The following SPAG16 variants were observed in gnomAD, a reference collection of about 807,000 sequenced individuals.
SPAG16 encodes sperm-associated antigen 16 protein.
Under a neutral mutation model 80.4 loss-of-function variants are expected in SPAG16, and 86 were observed. The ratio of observed to expected loss-of-function variants is 1.07; its 90% CI spans 0.90 to 1.28. The LOEUF (loss-of-function observed/expected upper bound fraction) is 1.28. Among genes scored for constraint, SPAG16 ranks in the 50% most tolerant of loss-of-function variants. SPAG16 has a pLI of 0.00. For missense variants in SPAG16, 870 were observed against 765.3 expected (o/e 1.14, Z -1.61); for synonymous variants, 294 against 265.9 (o/e 1.11, Z -1.03).
intron 10 of SPAG16, among the ~76,000 whole-genome samples, chr2:213,772,043 T>C (rs1653115374): frequency 6.6e-6 from 1 of 152,216 alleles, no homozygotes. Context: ...CTTTGGGCAC[T>C]TTGGCCATTT....
chr2:214,126,015 C>T (rs1029125963), intron 14 of SPAG16, among the ~76,000 whole-genome samples: 5 of 8,200 alleles, frequency 6.1e-4, no homozygotes, highest in Non-Finnish European at 7.3e-4. Context: ...TCCTTCCTTC[C>T]TTCCTTCCTT....
chr2:213,299,009 C>G (rs1023041277), intron 3 of SPAG16, among the ~76,000 whole-genome samples: 3 of 152,022 alleles, frequency 2.0e-5, no homozygotes, highest in African/African-American at 7.2e-5. Context: ...TTGAATTGTG[C>G]TATGGGCTTT....
chr2:213,714,622 A>T (rs1341038381), intron 10 of SPAG16, among the ~76,000 whole-genome samples: 1 of 152,198 alleles, frequency 6.6e-6, no homozygotes, highest in Non-Finnish European at 1.5e-5. Flanking sequence ...TAAGAAAAAT[A>T]ATGAACAAGC....
chr2:214,053,280 A>G (rs1306890438), intron 13 of SPAG16, among the ~76,000 whole-genome samples: 2 of 152,226 alleles, frequency 1.3e-5, no homozygotes, highest in Non-Finnish European at 2.9e-5. Flanking sequence ...TTTGGAATCT[A>G]TATTAAATCT....
At chr2:213,587,810 A>G (rs1162597790) in intron 10 of SPAG16, among the ~76,000 whole-genome samples, 1 of 152,236 alleles carries the variant, frequency 6.6e-6, no homozygotes, top group Non-Finnish European at 1.5e-5. Flanking sequence ...TCCACAAAAT[A>G]CTGGGACTCA....
intron 15 of SPAG16, among the ~76,000 whole-genome samples, chr2:214,337,709 A>G (rs780020470): frequency 4.6e-5 from 7 of 152,186 alleles, no homozygotes; most frequent in Admixed American, 6.5e-5. Flanking sequence ...GTGACATCCA[A>G]TTCTGCATTA....
intron 15 of SPAG16, among the ~76,000 whole-genome samples, chr2:214,314,959 T>TA (rs71037365): frequency 0.23 from 33,824 of 145,704 alleles, 3,885 homozygotes; most frequent in East Asian, 0.35. Context: ...GATACTGTAT[T>TA]AAAAAAAAAA....
intron 10 of SPAG16, among the ~76,000 whole-genome samples, chr2:213,522,138 G>C (rs2075701448): frequency 6.6e-6 from 1 of 152,174 alleles, no homozygotes; most frequent in South Asian, 2.1e-4. Context: ...GCCAGGAATG[G>C]CATATTTGAC....
At chr2:213,286,035 T>G in intron 1 of SPAG16, 2 of 636,440 alleles carry the variant, frequency 3.1e-6, no homozygotes, top group Non-Finnish European at 5.0e-6. Context: ...CTTTGTGAAA[T>G]AAATGGTAGG....
chr2:213,657,947 A>G (rs2063280266), intron 10 of SPAG16, among the ~76,000 whole-genome samples: 2 of 152,164 alleles, frequency 1.3e-5, no homozygotes, highest in East Asian at 1.9e-4. Context: ...GCAGTCTACT[A>G]TGTGAATTAA....
At chr2:214,318,329 G>A (rs1191300190) in intron 15 of SPAG16, among the ~76,000 whole-genome samples, 4 of 142,890 alleles carry the variant, frequency 2.8e-5, no homozygotes, top group Admixed American at 7.0e-5. Flanking sequence ...ACTCACCCCA[G>A]CCCCTTTCCC....
At chr2:213,681,563 A>G (rs781495910) in intron 10 of SPAG16, among the ~76,000 whole-genome samples, 11 of 152,220 alleles carry the variant, frequency 7.2e-5, no homozygotes, top group Middle Eastern at 3.4e-3. Context: ...CAGGTTATGA[A>G]TGAGCTGCTT....
Position 213,317,127 on chromosome 2 carries a change from C to T in SPAG16, c.399-92C>T, listed in dbSNP as rs2063429762. The T allele has an allele frequency of 5.8e-6, 4 of 689,134 alleles. No individual in the cohort carries two copies. In the South Asian group the frequency reaches 7.8e-5, roughly 13 times the overall value. The allele number at this position is 689,134 out of a possible 1,614,324, so 42.7% of individuals were successfully genotyped here. A position where few individuals can be genotyped will look rare whatever the true frequency, so the allele number is the denominator to read the frequency against. ...AATACTGCAACTAATTACTATAACACTCCCTGAGACTTAACTTTTTGAATT... is the reference window on the plus strand; with the variant it reads ...AATACTGCAACTAATTACTATAACATTCCCTGAGACTTAACTTTTTGAATT... On this transcript the variant is annotated intron_variant, in intron 4 of 15. Coordinates refer to ENST00000331683, the MANE Select transcript of SPAG16 (RefSeq NM_024532.5).
intron 12 of SPAG16, among the ~76,000 whole-genome samples, chr2:213,997,947 G>C (rs2124848494): frequency 6.6e-6 from 1 of 152,226 alleles, no homozygotes; most frequent in Non-Finnish European, 1.5e-5. Context: ...TACTCTTAAG[G>C]AGCTTACATT....
At chr2:213,802,378 A>G (rs1051718878) in intron 10 of SPAG16, among the ~76,000 whole-genome samples, 98 of 150,566 alleles carry the variant, frequency 6.5e-4, no homozygotes, top group African/African-American at 2.3e-3. Context: ...TTTACTTAAA[A>G]CCCAAATGAT....
intron 10 of SPAG16, among the ~76,000 whole-genome samples, chr2:213,593,746 CTTTTTTTT>C (rs541949006): frequency 2.0e-4 from 10 of 50,168 alleles, no homozygotes; most frequent in Non-Finnish European, 4.0e-4. Context: ...CCCACCACAT[CTTTTTTTT>C]TTTTTTTTTT....
intron 10 of SPAG16, among the ~76,000 whole-genome samples, chr2:213,507,960 C>G (rs1283677593): frequency 6.6e-6 from 1 of 152,174 alleles, no homozygotes; most frequent in African/African-American, 2.4e-5. Context: ...TTGACTGGGG[C>G]AAGAGCTTCA....
At chr2:214,108,407 T>C in intron 14 of SPAG16, 146 bp downstream of exon 14, 1 of 568,142 alleles carries the variant, frequency 1.8e-6, no homozygotes, top group South Asian at 2.3e-5. Context: ...AGGAAAAGTC[T>C]ATAGGTATAT....
intron 10 of SPAG16, among the ~76,000 whole-genome samples, chr2:213,577,968 G>C (rs958482796): frequency 6.6e-6 from 1 of 151,902 alleles, no homozygotes; most frequent in Non-Finnish European, 1.5e-5. Flanking sequence ...GCTTGCATTC[G>C]ATTTTTGCTC....
Sources: gnomAD v4.1 joint callset for allele counts (sites outside exome capture counted in the v4.1 genomes callset) on GRCh38, gnomAD v4.1.1 for gene constraint, MANE v1.5 for transcripts, NCBI Gene and HGNC (gene_info 2026-07-23, HGNC 2026-07-21) for gene names.